DRC9: variants seen among roughly 807,000 people sequenced by gnomAD.
DRC9 encodes dynein regulatory complex subunit 9.
the DRC9 span, among the ~76,000 whole-genome samples, chr3:197,951,923 G>C: frequency 6.6e-6 from 1 of 151,988 alleles, no homozygotes; most frequent in South Asian, 2.1e-4. Flanking sequence ...GATTGGTATT[G>C]CTGTGGCTTC....
the DRC9 span, among the ~76,000 whole-genome samples, chr3:197,947,893 C>G: frequency 1.3e-5 from 2 of 149,852 alleles, no homozygotes; most frequent in African/African-American, 4.9e-5. Flanking sequence ...TCCCGGGAGA[C>G]TCCATCATCC....
At chr3:197,925,651 C>T in the DRC9 span, among the ~76,000 whole-genome samples, 1 of 148,230 alleles carries the variant, frequency 6.7e-6, no homozygotes, top group Non-Finnish European at 1.5e-5. Flanking sequence ...TTCAATGGTG[C>T]AATCTTGACT....
the DRC9 span, among the ~76,000 whole-genome samples, chr3:197,940,810 A>G: frequency 6.6e-6 from 1 of 152,338 alleles, no homozygotes; most frequent in African/African-American, 2.4e-5. Flanking sequence ...TTAAATTGCT[A>G]TTAATCAACA....
At chr3:197,947,440 T>C in the DRC9 span, among the ~76,000 whole-genome samples, 1 of 152,208 alleles carries the variant, frequency 6.6e-6, no homozygotes, top group Non-Finnish European at 1.5e-5. Context: ...TGTTCCTCTC[T>C]AGACCCAACT....
chr3:197,903,157 A>C, the DRC9 span, among the ~76,000 whole-genome samples: 3 of 152,208 alleles, frequency 2.0e-5, no homozygotes, highest in Non-Finnish European at 4.4e-5. Flanking sequence ...CTAGACAGCT[A>C]TCTCTCACCA....
chr3:197,927,889 T>C, the DRC9 span, among the ~76,000 whole-genome samples: 8 of 144,148 alleles, frequency 5.5e-5, no homozygotes, highest in African/African-American at 1.3e-4. Flanking sequence ...TTCTCATTCA[T>C]AGGTGGGAGT....
the DRC9 span, among the ~76,000 whole-genome samples, chr3:197,924,357 G>A: frequency 2.0e-5 from 3 of 152,050 alleles, no homozygotes; most frequent in African/African-American, 7.2e-5. Context: ...GACAGGGTGA[G>A]ACTCCATCTC....
the DRC9 span, among the ~76,000 whole-genome samples, chr3:197,929,489 G>C: frequency 3.3e-5 from 5 of 152,062 alleles, 1 homozygote; most frequent in African/African-American, 4.8e-5. This position sits in a 1 kb window ranked among gnomAD's most constrained non-coding sequence, Gnocchi z 4.6. Flanking sequence ...ACAGAGACTA[G>C]AGCCAGGTGC....
At chr3:197,904,250 G>A in the DRC9 span, among the ~76,000 whole-genome samples, 5 of 151,598 alleles carry the variant, frequency 3.3e-5, no homozygotes, top group East Asian at 1.9e-4. Context: ...ACATCATCTC[G>A]CCCCAGTTAA....
chr3:197,947,822 C>T, the DRC9 span, among the ~76,000 whole-genome samples: 1 of 151,954 alleles, frequency 6.6e-6, no homozygotes, highest in Admixed American at 6.6e-5. Context: ...GTCATGGCTC[C>T]TGTCAGGCAA....
the DRC9 span, among the ~76,000 whole-genome samples, chr3:197,923,654 T>C: frequency 2.0e-5 from 3 of 151,266 alleles, no homozygotes; most frequent in African/African-American, 7.3e-5. Context: ...CATTTGAGCC[T>C]GGGAGGCAGA....
the DRC9 span, chr3:197,953,413 T>C: frequency 5.5e-5 from 25 of 456,582 alleles, 1 homozygote; most frequent in South Asian, 3.4e-4. Flanking sequence ...CCTTTGTACA[T>C]TGCTCGAACC....
the DRC9 span, among the ~76,000 whole-genome samples, chr3:197,944,599 C>T: frequency 1.3e-5 from 2 of 152,160 alleles, no homozygotes; most frequent in African/African-American, 2.4e-5. Flanking sequence ...CAGGCGTCCA[C>T]CAACACACCT....
the DRC9 span, chr3:197,954,165 C>T: frequency 6.2e-7 from 1 of 1,613,628 alleles, no homozygotes; most frequent in Non-Finnish European, 8.5e-7. Flanking sequence ...TGGTTTTTAG[C>T]AAAATGGACG....
chr3:197,954,264 C>A, the DRC9 span: 1 of 1,020,610 alleles, frequency 9.8e-7, no homozygotes, highest in Non-Finnish European at 1.5e-6. Flanking sequence ...AATTATGCTG[C>A]AAAATTTGTG....
At chr3:197,943,472 T>C in the DRC9 span, among the ~76,000 whole-genome samples, 1 of 152,034 alleles carries the variant, frequency 6.6e-6, no homozygotes, top group African/African-American at 2.4e-5. Flanking sequence ...CCCATCTCTA[T>C]AGAATTTTTA....
the DRC9 span, among the ~76,000 whole-genome samples, chr3:197,898,637 G>T: frequency 6.6e-6 from 1 of 152,210 alleles, no homozygotes; most frequent in Non-Finnish European, 1.5e-5. Context: ...AGAGGCCTCA[G>T]GAAACTTACA....
chr3:197,890,090 C>G, the DRC9 span, among the ~76,000 whole-genome samples: 1 of 152,176 alleles, frequency 6.6e-6, no homozygotes, highest in Non-Finnish European at 1.5e-5. Context: ...GGCAAAAGCA[C>G]TCGGCCAAAA....
At chr3:197,896,410 T>C in the DRC9 span, among the ~76,000 whole-genome samples, 1 of 151,324 alleles carries the variant, frequency 6.6e-6, no homozygotes, top group Non-Finnish European at 1.5e-5. Context: ...GGCATGCAAA[T>C]AACTAGAGTT....
Sources: allele counts gnomAD v4.1 joint callset (sites outside exome capture counted in the v4.1 genomes callset), GRCh38; gene constraint gnomAD v4.1.1; non-coding constraint Gnocchi (gnomAD v3.1); transcripts MANE v1.5; gene names NCBI Gene and HGNC (gene_info 2026-07-23, HGNC 2026-07-21).